Variants in CEP192 observed in about 807,000 individuals in gnomAD.
CEP192 encodes centrosomal protein 192.
A neutral mutation model predicts 271.8 loss-of-function variants in CEP192; 151 were observed. The ratio of observed to expected loss-of-function variants is 0.56; its 90% CI spans 0.49 to 0.64. The LOEUF is 0.64. Among genes scored for constraint, CEP192 ranks in the 30% least tolerant of loss-of-function variants. CEP192 has a pLI of 0.00. For synonymous variants in CEP192, 995 were observed against 1,076.5 expected (o/e 0.92, Z 1.48); for missense variants, 2,910 against 3,020.5 (o/e 0.96, Z 0.86).
intron 12 of CEP192, among the ~76,000 whole-genome samples, chr18:13,037,973 T>C (rs906115798): frequency 6.6e-6 from 1 of 152,202 alleles, no homozygotes; most frequent in African/African-American, 2.4e-5. Flanking sequence ...AAATTTATGA[T>C]AGTGTTTAAT....
intron 1 of CEP192, among the ~76,000 whole-genome samples, chr18:12,997,794 G>A (rs984929564): frequency 2.6e-5 from 4 of 152,072 alleles, no homozygotes; most frequent in African/African-American, 9.7e-5. Context: ...GCGCAATCTC[G>A]GCTCACTGCA....
intron 8 of CEP192, among the ~76,000 whole-genome samples, 184 bp from the exon 9 acceptor site, chr18:13,018,898 G>A (rs917506254): frequency 2.0e-5 from 3 of 152,110 alleles, no homozygotes; most frequent in African/African-American, 7.2e-5. Context: ...TATGGTAGCA[G>A]TTTATCATGT....
intron 33 of CEP192, among the ~76,000 whole-genome samples, chr18:13,091,635 A>C (rs2039150870): frequency 6.6e-6 from 1 of 152,210 alleles, no homozygotes; most frequent in Admixed American, 6.5e-5. Context: ...AGTCTTGCTT[A>C]AGTTATAAAT....
chr18:13,029,752 T>G lies in CEP192; in HGVS notation c.1140T>G (p.Asn380Lys). Residue 380 changes from asparagine (N) to lysine (K), a missense_variant, in exon 10 of 45, where the codon AAT becomes AAG. Physicochemically the swap from Asn to Lys is moderately conservative, Grantham distance 94. Transcript: ENST00000506447. ...ATAATTTTCATGATGCAAATGCCAA[T>G]AGAGGTGGTTTTGATCTGACTGACC... ...NSDNFHDANA[N>K]RGGFDLTDPV... The G allele has an allele frequency of 6.4e-7, 1 of 1,551,602 alleles. No individual in the cohort carries two copies. Among genetic ancestry groups the G allele is most frequent in the Admixed American group, 2.0e-5 (1 of 51,006 alleles).
At chr18:13,094,969 T>C (rs1305163122) in intron 34 of CEP192, among the ~76,000 whole-genome samples, 2 of 152,256 alleles carry the variant, frequency 1.3e-5, no homozygotes, top group African/African-American at 4.8e-5. Context: ...CCAGTGCTGC[T>C]GACGCAGACT....
chr18:13,003,699 T>C (rs2033803198), intron 3 of CEP192, among the ~76,000 whole-genome samples: 1 of 151,824 alleles, frequency 6.6e-6, no homozygotes, highest in African/African-American at 2.4e-5. Context: ...GTTTTAAAAG[T>C]CCCACCCTGA....
chr18:13,080,336 T>C (rs992920136), intron 30 of CEP192, among the ~76,000 whole-genome samples: 5 of 152,218 alleles, frequency 3.3e-5, no homozygotes, highest in Admixed American at 6.5e-5. Context: ...GTAGTTCTCC[T>C]TGAAGAGTTC....
intron 38 of CEP192, among the ~76,000 whole-genome samples, chr18:13,101,368 T>C (rs1468389252): frequency 6.6e-6 from 1 of 152,128 alleles, no homozygotes; most frequent in African/African-American, 2.4e-5. Flanking sequence ...ATTTTCCACT[T>C]AGGGTAATTT....
intron 11 of CEP192, among the ~76,000 whole-genome samples, chr18:13,035,937 G>C (rs1381915703): frequency 1.3e-5 from 2 of 152,110 alleles, no homozygotes; most frequent in African/African-American, 4.8e-5. Flanking sequence ...TTGAGCCCAG[G>C]AGTTTGAGAC....
At chr18:13,105,509 A>C (rs150397219) in intron 40 of CEP192, among the ~76,000 whole-genome samples, 2 of 152,176 alleles carry the variant, frequency 1.3e-5, no homozygotes, top group Non-Finnish European at 1.5e-5. Flanking sequence ...ATTCCCTTCA[A>C]ATGTCTCCTA....
chr18:13,124,446 C>T (rs1047541126), intron 44 of CEP192, 186 bp from the exon 45 acceptor site: 13 of 491,680 alleles, frequency 2.6e-5, no homozygotes, highest in Middle Eastern at 5.4e-4. Flanking sequence ...TCCAATTTTA[C>T]GTTTTTCTCT....
At chr18:13,118,890 C>T (rs995519041) in intron 44 of CEP192, among the ~76,000 whole-genome samples, 1 of 152,176 alleles carries the variant, frequency 6.6e-6, no homozygotes, top group African/African-American at 2.4e-5. Context: ...TTGATAGAAC[C>T]TCATTTTATT....
chr18:13,043,925 C>T (rs2036340417), intron 15 of CEP192, among the ~76,000 whole-genome samples: 1 of 152,040 alleles, frequency 6.6e-6, no homozygotes, highest in African/African-American at 2.4e-5. Context: ...TGTTTTGGTA[C>T]AGGCATGCAA....
chr18:13,009,239 G>A (rs528138919), intron 4 of CEP192, among the ~76,000 whole-genome samples: 1 of 152,124 alleles, frequency 6.6e-6, no homozygotes, highest in South Asian at 2.1e-4. Flanking sequence ...CATATTTACA[G>A]TACTTTTATA....
At chr18:13,108,116 G>C (rs2040041629) in intron 40 of CEP192, among the ~76,000 whole-genome samples, 1 of 152,058 alleles carries the variant, frequency 6.6e-6, no homozygotes, top group African/African-American at 2.4e-5. Context: ...AATGAAACTG[G>C]ACCCCTGCCT....
Position 13,096,242 on chromosome 18 carries a change from A to T in CEP192, c.6492A>T (p.Arg2164Ser). The T allele has an allele frequency of 6.2e-7, 1 of 1,614,182 alleles. No individual in the cohort carries two copies. Among genetic ancestry groups the T allele is most frequent in the East Asian group, 2.2e-5 (1 of 44,890 alleles). ...TGAATAACTCTGTGAGGTTACTGAGATTTGAGCTGTGCTGGCCAGCGCATT... is the reference window on the plus strand; with the variant it reads ...TGAATAACTCTGTGAGGTTACTGAGTTTTGAGCTGTGCTGGCCAGCGCATT... The part of the protein sequence containing the change: ...QIVNNSVRLL[R>S]FELCWPAHCL... The change falls in exon 36 of 45, where the codon AGA (arginine) becomes AGT (serine). Residue 2164 changes from arginine to serine, a missense_variant. Transcript: ENST00000506447.
chr18:13,043,200 T>C (rs1406039436), intron 15 of CEP192, among the ~76,000 whole-genome samples: 1 of 152,268 alleles, frequency 6.6e-6, no homozygotes, highest in East Asian at 1.9e-4. Context: ...TGAAGTGCTG[T>C]CCAAGTCTGT....
In CEP192 at chr18:13,116,559, A is replaced by G. The variant is rs921882046; in HGVS notation, c.7416+56A>G. On this transcript the variant is annotated intron_variant, in intron 43 of 44. Transcript: ENST00000506447. ...AAAAATACATGCATTCAACTCTGAT[A>G]ACAAACATTTTCCTGATGATTCTGT... 4 of 1,465,778 alleles carry G rather than the reference A, an allele frequency of 2.7e-6. No individual in the cohort carries two copies. In the African/African-American group the frequency reaches 5.8e-5, roughly 21 times the overall value. The allele number at this position is 1,465,778 out of a possible 1,614,324, so 90.8% of individuals were successfully genotyped here. A position where few individuals can be genotyped will look rare whatever the true frequency, so the allele number is the denominator to read the frequency against.
intron 26 of CEP192, among the ~76,000 whole-genome samples, 171 bp downstream of exon 26, chr18:13,069,352 G>A (rs1007115932): frequency 1.3e-5 from 2 of 152,168 alleles, no homozygotes; most frequent in Non-Finnish European, 2.9e-5. Flanking sequence ...TAAAATATAT[G>A]CTGTGGTGCT....
Sources: allele counts gnomAD v4.1 joint callset (sites outside exome capture counted in the v4.1 genomes callset), GRCh38; gene constraint gnomAD v4.1.1; transcripts MANE v1.5; gene names NCBI Gene and HGNC (gene_info 2026-07-23, HGNC 2026-07-21).